PARD3: variants seen among roughly 807,000 people sequenced by gnomAD.
PARD3 encodes the protein partitioning defective 3 homolog.
In PARD3, 75 loss-of-function variants were observed where a neutral mutation model predicts 155.4. That is an observed-to-expected ratio of 0.48 (90% CI 0.40 to 0.58). The LOEUF (loss-of-function observed/expected upper bound fraction) is 0.58, where lower values mean the gene tolerates loss of function less well. Ranked by LOEUF, PARD3 falls within the 20% of genes least tolerant of loss-of-function variation. The pLI, the probability that PARD3 is intolerant of heterozygous loss-of-function variation, is 0.00. For missense variants in PARD3, 1,642 were observed against 1,721.7 expected (o/e 0.95, Z 0.82); for synonymous variants, 576 against 610.5 (o/e 0.94, Z 0.83).
chr10:34,589,747 T>C (rs926153349), intron 2 of PARD3, among the ~76,000 whole-genome samples: 1 of 1,830 alleles, frequency 5.5e-4, no homozygotes, highest in African/African-American at 2.9e-3. Flanking sequence ...ACAGTTTTAC[T>C]GGGGGGCTGG....
chr10:34,431,063 A>T (rs2075873594), intron 5 of PARD3, among the ~76,000 whole-genome samples: 1 of 152,240 alleles, frequency 6.6e-6, no homozygotes, highest in Non-Finnish European at 1.5e-5. Flanking sequence ...GTTTTCATTA[A>T]GTGACCATTT....
intron 22 of PARD3, among the ~76,000 whole-genome samples, chr10:34,167,236 C>G (rs1272880026): frequency 6.6e-6 from 1 of 152,124 alleles, no homozygotes; most frequent in Non-Finnish European, 1.5e-5. Context: ...AAAAGTTTGA[C>G]TATAATAAAG....
intron 2 of PARD3, among the ~76,000 whole-genome samples, chr10:34,571,125 A>C (rs570803809): frequency 1.3e-5 from 2 of 152,282 alleles, no homozygotes; most frequent in South Asian, 4.2e-4. Flanking sequence ...AGCCTGGGCA[A>C]CATAGCAAGA....
chr10:34,346,349 G>C, intron 15 of PARD3: 1 of 1,283,560 alleles, frequency 7.8e-7, no homozygotes, highest in Admixed American at 2.6e-5. Context: ...TTTAGTTTTA[G>C]TTTTTCGCCT....
chr10:34,553,825 A>C (rs1420572551), intron 2 of PARD3, among the ~76,000 whole-genome samples: 2 of 152,194 alleles, frequency 1.3e-5, no homozygotes, highest in African/African-American at 2.4e-5. Flanking sequence ...CAACCTTACA[A>C]CACTAAAAAG....
intron 2 of PARD3, among the ~76,000 whole-genome samples, chr10:34,556,694 T>C (rs1280642313): frequency 6.6e-6 from 1 of 152,152 alleles, no homozygotes; most frequent in Non-Finnish European, 1.5e-5. Context: ...ATTCCTTTGC[T>C]TAAAGAATTC....
intron 1 of PARD3, among the ~76,000 whole-genome samples, chr10:34,780,167 T>C (rs1251395219): frequency 6.6e-6 from 1 of 152,190 alleles, no homozygotes; most frequent in Non-Finnish European, 1.5e-5. Context: ...CTTATTTTAT[T>C]AAAAAAATTA....
At chr10:34,717,161 G>A (rs1332102901) in intron 1 of PARD3, among the ~76,000 whole-genome samples, 1 of 152,066 alleles carries the variant, frequency 6.6e-6, no homozygotes, top group Non-Finnish European at 1.5e-5. Context: ...TTATCTATCA[G>A]TAGCCACAAA....
chr10:34,667,432 T>G (rs917693179), intron 2 of PARD3, among the ~76,000 whole-genome samples: 1 of 152,244 alleles, frequency 6.6e-6, no homozygotes, highest in East Asian at 1.9e-4. Flanking sequence ...GGGAGATCAA[T>G]GGTGCCTTTC....
rs370210106 is a variant in PARD3, at chr10:34,662,959, T to C, written c.222+33359A>G. On this transcript the variant is annotated intron_variant, in intron 2 of 24. Transcript: ENST00000374788. Reference sequence around the variant, plus strand: ...AAAGACAAACATTGCATGTTCTCACTCATTTGTGGGAGCTAAAAATTAAAA... The same window carrying C: ...AAAGACAAACATTGCATGTTCTCACCCATTTGTGGGAGCTAAAAATTAAAA... Among the ~76,000 whole-genome samples, 93 of 151,818 alleles carry C rather than the reference T, an allele frequency of 6.1e-4. 1 individual carries two copies. The highest frequency in any genetic ancestry group is 2.2e-3 in the African/African-American group (92 of 41,388).
At chr10:34,747,309 C>T (rs947242073) in intron 1 of PARD3, among the ~76,000 whole-genome samples, 1 of 152,148 alleles carries the variant, frequency 6.6e-6, no homozygotes, top group Non-Finnish European at 1.5e-5. Flanking sequence ...TAGAGAGAGA[C>T]AGCATCTTTG....
chr10:34,270,286 G>A (rs148604101), intron 21 of PARD3, among the ~76,000 whole-genome samples: 64 of 152,038 alleles, frequency 4.2e-4, no homozygotes, highest in African/African-American at 1.5e-3. Flanking sequence ...GGGATTACAC[G>A]TGTGCACCAC....
intron 2 of PARD3, among the ~76,000 whole-genome samples, chr10:34,651,899 T>A (rs1480020189): frequency 6.6e-6 from 1 of 152,190 alleles, no homozygotes. Flanking sequence ...AATTTTATAC[T>A]TCAGAGTGCA....
chr10:34,185,761 C>A (rs918065448), intron 22 of PARD3, among the ~76,000 whole-genome samples: 1 of 150,952 alleles, frequency 6.6e-6, no homozygotes, highest in Non-Finnish European at 1.5e-5. Flanking sequence ...ATCACAGGAC[C>A]CTGAGTAGGC....
At chr10:34,498,324 T>C (rs1388921134) in intron 3 of PARD3, among the ~76,000 whole-genome samples, 1 of 152,156 alleles carries the variant, frequency 6.6e-6, no homozygotes, top group Non-Finnish European at 1.5e-5. Context: ...AAAGACAGTG[T>C]TTAGGAAAAT....
intron 22 of PARD3, among the ~76,000 whole-genome samples, chr10:34,159,696 C>A (rs1949182035): frequency 6.6e-6 from 1 of 152,222 alleles, no homozygotes; most frequent in South Asian, 2.1e-4. Flanking sequence ...GCTAATGTAG[C>A]TATTTAGCAC....
intron 2 of PARD3, among the ~76,000 whole-genome samples, chr10:34,690,532 G>A (rs1364652796): frequency 6.6e-6 from 1 of 152,166 alleles, no homozygotes; most frequent in Non-Finnish European, 1.5e-5. Flanking sequence ...GAGCATAAAT[G>A]AGTCCATTGA....
rs570141858 is a variant in PARD3 at position 34,111,420 on chromosome 10, C to T, written c.3811G>A (p.Gly1271Ser). The T allele has an allele frequency of 1.2e-6, 2 of 1,614,200 alleles. No individual in the cohort carries two copies. The highest frequency in any genetic ancestry group is 2.2e-5 in the South Asian group (2 of 91,084). Residue 1271 changes from glycine to serine, a missense_variant, in exon 25 of 25, where the codon GGC (glycine) becomes AGC (serine). Gly to Ser is a moderately conservative substitution (Grantham distance 56, BLOSUM62 0). Coordinates refer to ENST00000374788, the MANE Select transcript of PARD3 (RefSeq NM_001184785.2). ...GSRNGYLGGHGFNARVMLETQ... is the reference protein window; with the variant it reads ...GSRNGYLGGHSFNARVMLETQ... The stretch of plus-strand genomic sequence containing the variant: ...TCCAGCATGACCCTGGCGTTGAAGC[C>T]ATGTCCTCCCAGGTAGCCGTTCCTG...
chr10:34,344,782 C>T (rs1589247185), intron 15 of PARD3: 1 of 985,194 alleles, frequency 1.0e-6, no homozygotes, highest in African/African-American at 1.7e-5. Context: ...GGTCACAATC[C>T]TGTCTGACCC....
Sources: allele counts gnomAD v4.1 joint callset (sites outside exome capture counted in the v4.1 genomes callset), GRCh38; gene constraint gnomAD v4.1.1; transcripts MANE v1.5; gene names NCBI Gene and HGNC (gene_info 2026-07-23, HGNC 2026-07-21).